Variants in SCFD2 observed in about 807,000 individuals in gnomAD.
SCFD2 encodes sec1 family domain containing 2.
Under a neutral mutation model 58.9 loss-of-function variants are expected in SCFD2, and 54 were observed. The ratio of observed to expected loss-of-function variants is 0.92; its 90% CI spans 0.74 to 1.15. SCFD2 has a LOEUF of 1.15. Ranked by LOEUF, SCFD2 falls within the 50% of genes most tolerant of loss-of-function variation. The pLI is 0.00. For synonymous variants in SCFD2, 321 were observed against 335.9 expected, an observed-to-expected ratio of 0.96 and a Z score of 0.49; for missense variants, 805 against 836.6, an observed-to-expected ratio of 0.96 and a Z score of 0.47.
chr4:53,120,005 A>T (rs1462969673), intron 5 of SCFD2, among the ~76,000 whole-genome samples: 1 of 152,178 alleles, frequency 6.6e-6, no homozygotes, highest in Non-Finnish European at 1.5e-5. Context: ...GGCCCCTTCT[A>T]TGCATACCTG....
intron 5 of SCFD2, among the ~76,000 whole-genome samples, chr4:52,923,394 C>G (rs1376232833): frequency 1.3e-5 from 2 of 151,974 alleles, no homozygotes; most frequent in East Asian, 3.9e-4. Flanking sequence ...ATGAGAATTG[C>G]TTGAGCCCGG....
chr4:53,251,106 T>A (rs1730356512), intron 4 of SCFD2, among the ~76,000 whole-genome samples: 1 of 152,102 alleles, frequency 6.6e-6, no homozygotes, highest in African/African-American at 2.4e-5. Flanking sequence ...TACAAACACC[T>A]CTACGCAAAT....
intron 5 of SCFD2, among the ~76,000 whole-genome samples, chr4:52,988,598 C>T (rs1721550816): frequency 6.6e-6 from 1 of 152,062 alleles, no homozygotes. Context: ...AGTCTGGATC[C>T]CCCTTAATTC....
At chr4:53,175,649 A>T (rs1727305814) in intron 4 of SCFD2, among the ~76,000 whole-genome samples, 1 of 152,198 alleles carries the variant, frequency 6.6e-6, no homozygotes, top group African/African-American at 2.4e-5. Context: ...AATTTAGGAC[A>T]CTTTGGCATC....
At chr4:53,186,894 T>C (rs1727752659) in intron 4 of SCFD2, among the ~76,000 whole-genome samples, 1 of 151,936 alleles carries the variant, frequency 6.6e-6, no homozygotes, top group Non-Finnish European at 1.5e-5. Context: ...GGTTGCACAG[T>C]GGAATGAAGG....
Position 53,150,526 on chromosome 4 carries a change from G to C in SCFD2, c.1312-4944C>G, listed in dbSNP as rs189215828. Reference sequence around the variant, plus strand: ...AGAATGGAACCTTGACAATAACGAAGAAAAAAAATCCGTGACTCCATAGAT... The same window carrying C: ...AGAATGGAACCTTGACAATAACGAACAAAAAAAATCCGTGACTCCATAGAT... On this transcript the variant is annotated intron_variant, in intron 4 of 8. Coordinates refer to ENST00000401642, the MANE Select transcript of SCFD2 (RefSeq NM_152540.4). Among the ~76,000 whole-genome samples, 37 of 151,828 alleles carry C rather than the reference G, an allele frequency of 2.4e-4. No homozygotes were observed. The East Asian group carries it at 7.0e-3, about 29-fold the overall frequency.
At chr4:53,101,425 A>G (rs1402361243) in intron 5 of SCFD2, among the ~76,000 whole-genome samples, 7 of 152,308 alleles carry the variant, frequency 4.6e-5, no homozygotes, top group Non-Finnish European at 1.0e-4. Context: ...AGTAGATTCT[A>G]GTTAACAGTA....
chr4:53,218,564 T>C (rs1396251100), intron 4 of SCFD2, among the ~76,000 whole-genome samples: 2 of 152,232 alleles, frequency 1.3e-5, no homozygotes, highest in Non-Finnish European at 2.9e-5. Flanking sequence ...TCAAGGTTTT[T>C]AGCTTCTTTG....
chr4:53,183,592 T>G (rs1442241175), intron 4 of SCFD2, among the ~76,000 whole-genome samples: 1 of 151,940 alleles, frequency 6.6e-6, no homozygotes, highest in East Asian at 1.9e-4. Context: ...ACATGGCACA[T>G]GTATACATAT....
chr4:52,873,794 C>A lies in SCFD2; in HGVS notation c.*175G>T. On this transcript the variant is annotated 3_prime_UTR_variant, in exon 9 of 9. Coordinates refer to ENST00000401642, the MANE Select transcript of SCFD2 (RefSeq NM_152540.4). ...ACTTTTTTTTTTTTTTTTTAAGAATCACAGCAATCCAAGCAAAGTACCTCA... is the reference window on the plus strand; with the variant it reads ...ACTTTTTTTTTTTTTTTTTAAGAATAACAGCAATCCAAGCAAAGTACCTCA... 69 of 350,102 alleles carry A rather than the reference C, an allele frequency of 2.0e-4. No individual in the cohort carries two copies. Among genetic ancestry groups the A allele is most frequent in the South Asian group, 2.6e-4 (3 of 11,608 alleles). The allele number at this position is 350,102 out of a possible 1,614,324, so 21.7% of individuals were successfully genotyped here. A position where few individuals can be genotyped will look rare whatever the true frequency, so the allele number is the denominator to read the frequency against.
intron 7 of SCFD2, among the ~76,000 whole-genome samples, chr4:52,891,083 C>T (rs1237874191): frequency 1.3e-5 from 2 of 152,018 alleles, no homozygotes; most frequent in Non-Finnish European, 2.9e-5. Flanking sequence ...TAGGAAGCAC[C>T]CAGGTTGACA....
rs190445321 is a variant in SCFD2, at chr4:53,180,256, G to A, written c.1312-34674C>T. 2.7e-3 allele frequency among the ~76,000 whole-genome samples: 413 copies of A among 152,240 alleles called. 1 individual carries two copies. Among genetic ancestry groups the A allele is most frequent in the African/African-American group, 9.5e-3 (395 of 41,530 alleles). On this transcript the variant is annotated intron_variant, in intron 4 of 8. Coordinates refer to ENST00000401642, the MANE Select transcript of SCFD2 (RefSeq NM_152540.4). Reference sequence around the variant, plus strand: ...AATTGACCACATAATTGGAAGTAAAGCACTCCTCAGCAAAAGTAAAAGAAC... The same window carrying A: ...AATTGACCACATAATTGGAAGTAAAACACTCCTCAGCAAAAGTAAAAGAAC...
intron 4 of SCFD2, among the ~76,000 whole-genome samples, chr4:53,234,966 C>T (rs1292510999): frequency 1.3e-5 from 2 of 152,222 alleles, no homozygotes; most frequent in Non-Finnish European, 2.9e-5. Flanking sequence ...CATGAGATAA[C>T]CGACCACGGT....
chr4:53,271,416 G>A lies in SCFD2; in HGVS notation c.1311+2410C>T, dbSNP rs141587939. On this transcript the variant is annotated intron_variant, in intron 4 of 8. Coordinates refer to ENST00000401642, the MANE Select transcript of SCFD2 (RefSeq NM_152540.4). The stretch of plus-strand genomic sequence containing the variant: ...TTTATGATGTGGTTTAAAGGAATGA[G>A]CTAGATCTACATACATCACTTTATT... Among the ~76,000 whole-genome samples the A allele has an allele frequency of 2.8e-3, 422 of 149,866 alleles. 3 individuals carry two copies. The highest frequency in any genetic ancestry group is 1.0e-2 in the African/African-American group (408 of 40,930).
At chr4:52,896,923 T>C (rs1256193143) in intron 7 of SCFD2, among the ~76,000 whole-genome samples, 2 of 152,222 alleles carry the variant, frequency 1.3e-5, no homozygotes, top group East Asian at 1.9e-4. Flanking sequence ...TTTGAAGCAA[T>C]TGTGAATGGG....
At position 52,992,484 on chromosome 4, in the gene SCFD2, G is replaced by C. The variant is rs544134757; in HGVS notation, c.1562-71614C>G. ...AAGTGAGGAGCGTCTCTGCATGGCC[G>C]CCCATCGTCTGGGATGTGAGGAGCC... On this transcript the variant is annotated intron_variant, in intron 5 of 8. Transcript: ENST00000401642. Among the ~76,000 whole-genome samples, 3 of 152,246 alleles carry C rather than the reference G, an allele frequency of 2.0e-5. No individual in the cohort carries two copies. The South Asian group carries it at 6.2e-4, about 32-fold the overall frequency.
chr4:53,255,018 A>C (rs1730553734), intron 4 of SCFD2, among the ~76,000 whole-genome samples: 1 of 150,340 alleles, frequency 6.7e-6, no homozygotes, highest in Non-Finnish European at 1.5e-5. Flanking sequence ...GACTACAGGC[A>C]CACACCGCCA....
In SCFD2 at chr4:52,967,827, A is replaced by G. The variant is rs372652005; in HGVS notation, c.1562-46957T>C. ...CTCTGGGCTCTGGAGCCTGTGTCTCATGCCCTGCTCTGCACAATTCTGTCT... is the reference window on the plus strand; with the variant it reads ...CTCTGGGCTCTGGAGCCTGTGTCTCGTGCCCTGCTCTGCACAATTCTGTCT... On this transcript the variant is annotated intron_variant, in intron 5 of 8. Coordinates refer to ENST00000401642, the MANE Select transcript of SCFD2 (RefSeq NM_152540.4). Among the ~76,000 whole-genome samples the G allele has an allele frequency of 3.3e-5, 5 of 152,252 alleles. No individual in the cohort carries two copies. The East Asian group carries it at 9.6e-4, about 29-fold the overall frequency.
At chr4:52,986,624 G>A (rs565934088) in intron 5 of SCFD2, among the ~76,000 whole-genome samples, 18 of 146,234 alleles carry the variant, frequency 1.2e-4, no homozygotes, top group Admixed American at 1.1e-3. Context: ...TCAGCCTCCC[G>A]AGTAGCTGGG....
Sources: allele counts gnomAD v4.1 joint callset (sites outside exome capture counted in the v4.1 genomes callset), GRCh38; gene constraint gnomAD v4.1.1; transcripts MANE v1.5; gene names NCBI Gene and HGNC (gene_info 2026-07-23, HGNC 2026-07-21).